SGCZ: variants seen among roughly 807,000 people sequenced by gnomAD.
SGCZ encodes the protein sarcoglycan zeta.
SGCZ carries 40 observed loss-of-function variants against 41.3 expected under a neutral mutation model. That is an observed-to-expected ratio of 0.97 (90% CI 0.75 to 1.26). SGCZ has a LOEUF of 1.26. Ranked by LOEUF, SGCZ falls within the 50% of genes most tolerant of loss-of-function variation. The pLI is 0.00. For synonymous variants in SGCZ, 206 were observed against 137.5 expected (o/e 1.50, Z -3.49); for missense variants, 552 against 369.8 (o/e 1.49, Z -4.04).
chr8:14,747,879 AT>A (rs375144725), intron 1 of SGCZ, among the ~76,000 whole-genome samples: 5,272 of 130,254 alleles, frequency 0.04, 243 homozygotes, highest in African/African-American at 0.088. Context: ...CAACTGACTA[AT>A]TTTTTTTTTT....
intron 1 of SGCZ, among the ~76,000 whole-genome samples, chr8:15,199,178 C>T (rs1429544447): frequency 1.3e-5 from 2 of 152,170 alleles, no homozygotes; most frequent in Non-Finnish European, 2.9e-5. Flanking sequence ...ATTTCATTTT[C>T]ATTCGTTCTT....
At chr8:14,204,552 G>C (rs1168394026) in intron 4 of SGCZ, among the ~76,000 whole-genome samples, 1 of 152,076 alleles carries the variant, frequency 6.6e-6, no homozygotes, top group Non-Finnish European at 1.5e-5. Flanking sequence ...AACACCTTGA[G>C]AGCTGGTAAA....
At chr8:14,680,393 A>G (rs1236815163) in intron 1 of SGCZ, among the ~76,000 whole-genome samples, 1 of 152,132 alleles carries the variant, frequency 6.6e-6, no homozygotes, top group Non-Finnish European at 1.5e-5. Flanking sequence ...CCAGCTGTAA[A>G]AACTGTGGCA....
At chr8:14,468,655 C>T (rs1163673012) in intron 2 of SGCZ, among the ~76,000 whole-genome samples, 1 of 151,990 alleles carries the variant, frequency 6.6e-6, no homozygotes, top group Non-Finnish European at 1.5e-5. Flanking sequence ...TCTAATGCCA[C>T]AGATAAACCG....
chr8:14,388,749 C>T (rs1441830818), intron 2 of SGCZ, among the ~76,000 whole-genome samples: 1 of 150,918 alleles, frequency 6.6e-6, no homozygotes, highest in Non-Finnish European at 1.5e-5. Context: ...ACAGTCTGTA[C>T]AACAAACCTC....
chr8:14,768,640 C>T (rs1210983716), intron 1 of SGCZ, among the ~76,000 whole-genome samples: 3 of 152,114 alleles, frequency 2.0e-5, no homozygotes, highest in South Asian at 2.1e-4. Context: ...CTAAGCTGCA[C>T]GTAGTCACCA....
At chr8:14,114,582 C>T (rs1291248491) in intron 5 of SGCZ, among the ~76,000 whole-genome samples, 1 of 151,628 alleles carries the variant, frequency 6.6e-6, no homozygotes, top group African/African-American at 2.4e-5. Context: ...CTCTTGGATG[C>T]CAAATAATAT....
rs567717038 is a variant in SGCZ at position 14,198,523 on chromosome 8, T to G, written c.425-33821A>C. On this transcript the variant is annotated intron_variant, in intron 4 of 7. Coordinates refer to ENST00000382080, the MANE Select transcript of SGCZ (RefSeq NM_139167.4). Reference sequence around the variant, plus strand: ...ACTTCTTTAATGATCCATTCAGTTGTAGTACAAACCCCAGTATCATGTAAT... The same window carrying G: ...ACTTCTTTAATGATCCATTCAGTTGGAGTACAAACCCCAGTATCATGTAAT... 1.1e-4 allele frequency among the ~76,000 whole-genome samples: 17 copies of G among 152,138 alleles called. 1 individual carries two copies. The South Asian group carries it at 3.5e-3, about 32-fold the overall frequency.
chr8:14,589,338 T>G (rs1017838386), intron 1 of SGCZ, among the ~76,000 whole-genome samples: 117 of 89,686 alleles, frequency 1.3e-3, no homozygotes, highest in African/African-American at 4.7e-3. Flanking sequence ...AGAGTGAGAC[T>G]CCATCTCAAA....
chr8:14,787,540 C>T (rs1800807054), intron 1 of SGCZ, among the ~76,000 whole-genome samples: 1 of 151,974 alleles, frequency 6.6e-6, no homozygotes, highest in Admixed American at 6.6e-5. Flanking sequence ...TGAGTTTTAT[C>T]CTAATTAAGA....
chr8:14,332,430 G>T (rs953706757), intron 2 of SGCZ: 1 of 151,986 alleles, frequency 6.6e-6, no homozygotes, highest in African/African-American at 2.4e-5. Context: ...GACAGAGAGA[G>T]ACTCTGTCTC....
intron 2 of SGCZ, among the ~76,000 whole-genome samples, chr8:14,417,734 AC>A (rs1799533413): frequency 1.3e-5 from 2 of 151,928 alleles, no homozygotes; most frequent in Admixed American, 6.6e-5. Context: ...CTTGTTTTAC[AC>A]AAAAAAGGTA....
chr8:15,012,577 T>TTC (rs1554540037), intron 1 of SGCZ, among the ~76,000 whole-genome samples: 2 of 110,164 alleles, frequency 1.8e-5, no homozygotes, highest in Admixed American at 2.1e-4. Flanking sequence ...AAATATATAT[T>TTC]TATATAACAT....
At chr8:14,542,701 G>A (rs563689728) in intron 2 of SGCZ, among the ~76,000 whole-genome samples, 1 of 151,990 alleles carries the variant, frequency 6.6e-6, no homozygotes, top group Non-Finnish European at 1.5e-5. Flanking sequence ...CATTAATTAG[G>A]ATAATTGTAG....
chr8:14,091,047 T>C (rs937277094), intron 7 of SGCZ, among the ~76,000 whole-genome samples: 10 of 152,028 alleles, frequency 6.6e-5, no homozygotes, highest in African/African-American at 2.4e-4. Flanking sequence ...CCATGTGTTC[T>C]CATTGTTCCC....
intron 1 of SGCZ, among the ~76,000 whole-genome samples, chr8:14,724,791 A>T (rs914753962): frequency 8.5e-5 from 13 of 152,150 alleles, no homozygotes; most frequent in African/African-American, 3.1e-4. Context: ...TAATGATTAA[A>T]TTAGGGTAAG....
At chr8:15,048,381 G>T (rs1026192194) in intron 1 of SGCZ, among the ~76,000 whole-genome samples, 1 of 151,978 alleles carries the variant, frequency 6.6e-6, no homozygotes, top group Admixed American at 6.6e-5. Flanking sequence ...CAAAAATACA[G>T]TTAGAGAGAA....
At chr8:14,459,277 G>T (rs1392684570) in intron 2 of SGCZ, among the ~76,000 whole-genome samples, 1 of 152,048 alleles carries the variant, frequency 6.6e-6, no homozygotes, top group Non-Finnish European at 1.5e-5. Context: ...TGGGGTAGGG[G>T]GATGGGGGAG....
chr8:15,084,870 C>T (rs1585547265), intron 1 of SGCZ, among the ~76,000 whole-genome samples: 1 of 152,134 alleles, frequency 6.6e-6, no homozygotes, highest in Non-Finnish European at 1.5e-5. Flanking sequence ...ACCCCAATAT[C>T]TAACATTGAT....
Sources: gnomAD v4.1 joint callset for allele counts (sites outside exome capture counted in the v4.1 genomes callset) on GRCh38, gnomAD v4.1.1 for gene constraint, MANE v1.5 for transcripts, NCBI Gene and HGNC (gene_info 2026-07-23, HGNC 2026-07-21) for gene names.